Variants in GPATCH8 observed in about 807,000 individuals in gnomAD.
GPATCH8 encodes G-patch domain containing 8.
Under a neutral mutation model 118.3 loss-of-function variants are expected in GPATCH8, and 18 were observed. The observed-to-expected ratio is 0.15, with a 90% CI of 0.11 to 0.23. The LOEUF (loss-of-function observed/expected upper bound fraction) is 0.23. GPATCH8 is among the 10% of genes least tolerant of loss of function. The probability of loss-of-function intolerance (pLI) is 1.00; values close to 1 mark genes in which losing one functional copy is unlikely to be tolerated. For synonymous variants in GPATCH8, 659 were observed against 684.7 expected (o/e 0.96, Z 0.59); for missense variants, 1,631 against 1,873.8 (o/e 0.87, Z 2.39).
intron 3 of GPATCH8, among the ~76,000 whole-genome samples, chr17:44,456,473 C>G (rs1041474696): frequency 6.6e-6 from 1 of 151,808 alleles, no homozygotes; most frequent in African/African-American, 2.4e-5. Context: ...TAAATTGTAA[C>G]ATTACATGTT....
chr17:44,470,138 A>T (rs1236052863), intron 2 of GPATCH8, among the ~76,000 whole-genome samples: 1 of 152,244 alleles, frequency 6.6e-6, no homozygotes, highest in African/African-American at 2.4e-5. Flanking sequence ...CCACAACAGT[A>T]ACAACATGTT....
chr17:44,478,096 G>T (rs1359078039), intron 1 of GPATCH8, among the ~76,000 whole-genome samples: 1 of 152,228 alleles, frequency 6.6e-6, no homozygotes, highest in Non-Finnish European at 1.5e-5. Context: ...AAAGTGCTGA[G>T]ATTACAGATG....
intron 1 of GPATCH8, among the ~76,000 whole-genome samples, chr17:44,501,218 A>G (rs1598657317): frequency 6.6e-6 from 1 of 152,106 alleles, no homozygotes; most frequent in South Asian, 2.1e-4. Context: ...GGAGTTCGAG[A>G]CCAGCCTGGC....
intron 2 of GPATCH8, among the ~76,000 whole-genome samples, chr17:44,470,221 T>TTTTG (rs768156885): frequency 2.6e-5 from 4 of 152,186 alleles, no homozygotes; most frequent in Admixed American, 1.3e-4. Flanking sequence ...CCTCATCTTT[T>TTTTG]TTTGTTTGTT....
At chr17:44,418,967 T>C (rs563889910) in intron 6 of GPATCH8, among the ~76,000 whole-genome samples, 1 of 152,354 alleles carries the variant, frequency 6.6e-6, no homozygotes, top group South Asian at 2.1e-4. Context: ...TGGGTCTTAA[T>C]ATTTTTGTGT....
intron 1 of GPATCH8, among the ~76,000 whole-genome samples, chr17:44,488,474 T>C (rs1968969500): frequency 6.6e-6 from 1 of 151,848 alleles, no homozygotes; most frequent in Admixed American, 6.6e-5. Context: ...GTTCAAGCAA[T>C]TCTCCTGCCT....
At position 44,400,015 on chromosome 17, in the gene GPATCH8, T is replaced by C; in HGVS notation, c.2062A>G (p.Lys688Glu). ...KKKHKKSSKH[K>E]RKHKADTEEK... The stretch of plus-strand genomic sequence containing the variant: ...TCTGTGTCAGCCTTGTGTTTACGTT[T>C]GTGTTTGCTGGATTTTTTGTGCTTC... The change falls in exon 8 of 8, where the codon AAA becomes GAA. Residue 688 changes from lysine to glutamate, a missense_variant. By Grantham distance (56) the Lys-to-Glu change is moderately conservative. This residue lies in a region of GPATCH8 where 922 missense variants were observed against 879.7 expected (regional missense o/e 1.05). Transcript: ENST00000591680. 6.2e-7 allele frequency: 1 copy of C among 1,614,112 alleles called. No individual in the cohort carries two copies. Among genetic ancestry groups the C allele is most frequent in the Middle Eastern group, 1.6e-4 (1 of 6,062 alleles).
chr17:44,448,535 A>AAGGAAGAGGAAG (rs1568004074), intron 3 of GPATCH8, among the ~76,000 whole-genome samples: 2 of 90,276 alleles, frequency 2.2e-5, no homozygotes, highest in Admixed American at 1.3e-4. Context: ...GAAGAAGAAG[A>AAGGAAGAGGAAG]AGGAAGAAGA....
chr17:44,420,047 T>C (rs1433020262), intron 6 of GPATCH8, among the ~76,000 whole-genome samples: 2 of 152,086 alleles, frequency 1.3e-5, no homozygotes, highest in East Asian at 3.8e-4. Context: ...GGTTTTTTTT[T>C]TTTTTAATGC....
intron 6 of GPATCH8, among the ~76,000 whole-genome samples, chr17:44,412,850 C>A (rs1164891101): frequency 6.6e-6 from 1 of 152,038 alleles, no homozygotes; most frequent in Non-Finnish European, 1.5e-5. Context: ...TTTTTTTCCC[C>A]CTCCCTCTAC....
At chr17:44,487,904 G>A (rs990582494) in intron 1 of GPATCH8, among the ~76,000 whole-genome samples, 1 of 150,070 alleles carries the variant, frequency 6.7e-6, no homozygotes, top group Admixed American at 6.6e-5. Flanking sequence ...TTGTGTTAAC[G>A]TTAAAGAAAC....
chr17:44,456,042 C>G (rs537062808), intron 3 of GPATCH8, among the ~76,000 whole-genome samples: 76 of 151,618 alleles, frequency 5.0e-4, no homozygotes, highest in African/African-American at 1.7e-3. Context: ...CCATAGCGCC[C>G]AGACAAAAAA....
intron 1 of GPATCH8, among the ~76,000 whole-genome samples, chr17:44,483,194 T>A (rs1173950498): frequency 0.011 from 657 of 61,804 alleles, 94 homozygotes; most frequent in Non-Finnish European, 0.013. Flanking sequence ...TATATATATA[T>A]ATATATATAT....
rs778357994 is a variant in GPATCH8, at chr17:44,400,954, A to T, written c.1123T>A (p.Ser375Thr). The change falls in exon 8 of 8, where the codon TCC becomes ACC. Residue 375 changes from serine to threonine, a missense_variant. Ser to Thr is a moderately conservative substitution (Grantham distance 58). Transcript: ENST00000591680. ...TCTCGTTTCATCCTTTTTAATTTGG[A>T]TAATGTTGAGGCAAGGGACCCTCCA... ...QDGGSLASTL[S>T]KLKRMKREEG... 1 of 1,613,986 alleles carries T rather than the reference A, an allele frequency of 6.2e-7. No homozygotes were observed. The highest frequency in any genetic ancestry group is 1.7e-5 in the Admixed American group (1 of 59,992).
At chr17:44,447,160 AATT>A (rs893362524) in intron 3 of GPATCH8, among the ~76,000 whole-genome samples, 2 of 138,310 alleles carry the variant, frequency 1.4e-5, no homozygotes, top group African/African-American at 5.6e-5. Context: ...AATAAAAAAA[AATT>A]TTTTTTTTTT....
chr17:44,398,585 A>G lies in GPATCH8; in HGVS notation c.3492T>C (p.Ser1164=), dbSNP rs776200177. Residue 1164 remains serine (S), a synonymous_variant, in exon 8 of 8, where the codon TCT becomes TCC. Coordinates refer to ENST00000591680, the MANE Select transcript of GPATCH8 (RefSeq NM_001002909.4). ...TRKPNKKCEE[S]GLERGEEQEQ... is the part of the protein sequence containing the mutation. ...CTTGCTCTTCCCCCCTTTCCAAGCC[A>G]GACTCTTCACACTTCTTATTGGGCT... The G allele has an allele frequency of 3.2e-6, 5 of 1,560,932 alleles. No individual in the cohort carries two copies. The highest frequency in any genetic ancestry group is 3.5e-6 in the Non-Finnish European group (4 of 1,158,292).
chr17:44,455,267 C>T (rs1034719317), intron 3 of GPATCH8, among the ~76,000 whole-genome samples: 4 of 151,982 alleles, frequency 2.6e-5, no homozygotes, highest in South Asian at 4.1e-4. Context: ...TGTGGGAGGC[C>T]GAGGTGGGCA....
chr17:44,434,737 G>C (rs971458192), intron 5 of GPATCH8, among the ~76,000 whole-genome samples: 2 of 152,242 alleles, frequency 1.3e-5, no homozygotes, highest in Non-Finnish European at 2.9e-5. Flanking sequence ...GGGGTTACAA[G>C]TGTGAGCCAT....
At chr17:44,502,635 A>C (rs778157412) in intron 1 of GPATCH8, among the ~76,000 whole-genome samples, 34 of 152,294 alleles carry the variant, frequency 2.2e-4, no homozygotes, top group Admixed American at 3.9e-4. Context: ...GCCTATTATC[A>C]TCACGCTTCT....
Sources: allele counts gnomAD v4.1 joint callset (sites outside exome capture counted in the v4.1 genomes callset), GRCh38; gene constraint gnomAD v4.1.1; regional missense constraint gnomAD v4.1.1; transcripts MANE v1.5; gene names NCBI Gene and HGNC (gene_info 2026-07-23, HGNC 2026-07-21).